The following GLIS3 variants were observed in gnomAD, a reference collection of about 807,000 sequenced individuals.
GLIS3 encodes zinc finger protein GLIS3.
Under a neutral mutation model 78.6 loss-of-function variants are expected in GLIS3, and 53 were observed. That is an observed-to-expected ratio of 0.67 (90% CI 0.54 to 0.85). The LOEUF (loss-of-function observed/expected upper bound fraction) is 0.85. GLIS3 is among the 40% of genes least tolerant of loss of function. GLIS3 has a pLI of 0.00. For missense variants in GLIS3, 1,703 were observed against 1,231.1 expected (o/e 1.38, Z -5.74); for synonymous variants, 684 against 509.9 (o/e 1.34, Z -4.60).
chr9:4,390,614 A>G, the GLIS3 span, among the ~76,000 whole-genome samples: 11 of 152,234 alleles, frequency 7.2e-5, no homozygotes, highest in Non-Finnish European at 1.3e-4. Context: ...CCTCATACAG[A>G]TATCTGTGGT....
At chr9:4,111,545 C>G in intron 4 of GLIS3, among the ~76,000 whole-genome samples, 1 of 152,250 alleles carries the variant, frequency 6.6e-6, no homozygotes, top group East Asian at 1.9e-4. Context: ...ATATGAAATC[C>G]TATTTGACAG....
At chr9:3,869,555 C>G (rs1820840843) in intron 8 of GLIS3, among the ~76,000 whole-genome samples, 1 of 152,190 alleles carries the variant, frequency 6.6e-6, no homozygotes, top group South Asian at 2.1e-4. Flanking sequence ...TGCATTGTAT[C>G]AAAGTACGCA....
chr9:3,906,843 TA>T (rs949185250), intron 6 of GLIS3, among the ~76,000 whole-genome samples: 4 of 152,230 alleles, frequency 2.6e-5, no homozygotes, highest in African/African-American at 4.8e-5. Flanking sequence ...CCACGTACCA[TA>T]AATGCATATT....
At chr9:3,838,126 C>A (rs1021233008) in intron 9 of GLIS3, among the ~76,000 whole-genome samples, 1 of 152,114 alleles carries the variant, frequency 6.6e-6, no homozygotes, top group Non-Finnish European at 1.5e-5. Flanking sequence ...CCTTCCCCAC[C>A]AAAATATGTA....
chr9:3,844,699 C>G (rs1818929983), intron 9 of GLIS3, among the ~76,000 whole-genome samples: 1 of 152,176 alleles, frequency 6.6e-6, no homozygotes, highest in African/African-American at 2.4e-5. Context: ...AATGACACAG[C>G]TTGACTGACA....
At chr9:3,963,005 G>C (rs1357901407) in intron 4 of GLIS3, among the ~76,000 whole-genome samples, 2 of 151,274 alleles carry the variant, frequency 1.3e-5, no homozygotes, top group Non-Finnish European at 2.9e-5. Flanking sequence ...AGAGTTGCCA[G>C]TGCTAATCAA....
chr9:3,954,695 T>G (rs1816967068), intron 4 of GLIS3, among the ~76,000 whole-genome samples: 1 of 152,194 alleles, frequency 6.6e-6, no homozygotes. Context: ...CCCTGTTTAT[T>G]TAGAAAAAAA....
At chr9:4,226,657 G>A (rs1311162133) in intron 2 of GLIS3, among the ~76,000 whole-genome samples, 1 of 152,182 alleles carries the variant, frequency 6.6e-6, no homozygotes, top group African/African-American at 2.4e-5. Context: ...AAGGTCTCAA[G>A]AGAAAAGCCA....
At chr9:4,220,101 A>G (rs901613766) in intron 2 of GLIS3, among the ~76,000 whole-genome samples, 1 of 152,220 alleles carries the variant, frequency 6.6e-6, no homozygotes, top group Non-Finnish European at 1.5e-5. Flanking sequence ...GCTCCCACTG[A>G]CTAAACAGGG....
rs776199599 is a variant in GLIS3, at chr9:3,829,434, A to G, written c.2532T>C (p.Ile844=). The change falls in exon 10 of 11, where the codon ATT becomes ATC. Residue 844 remains isoleucine, a synonymous_variant. Coordinates refer to ENST00000381971, the MANE Select transcript of GLIS3 (RefSeq NM_001042413.2). The part of the protein sequence containing the change: ...CPPHYPDSQR[I]VPPVSSCSVV... ...CACTGCAGGAGCTGACAGGCGGCACAATTCTCTGGGAATCGGGGTAGTGTG... is the reference window on the plus strand; with the variant it reads ...CACTGCAGGAGCTGACAGGCGGCACGATTCTCTGGGAATCGGGGTAGTGTG... The G allele has an allele frequency of 6.2e-7, 1 of 1,614,114 alleles. No homozygotes were observed. The highest frequency in any genetic ancestry group is 1.7e-5 in the Admixed American group (1 of 60,022).
Position 3,856,184 on chromosome 9 carries a change from C to T in GLIS3, c.2298G>A (p.Arg766=), listed in dbSNP as rs748140344. Residue 766 remains arginine, a splice_region_variant and synonymous_variant, in exon 9 of 11, where the codon AGG becomes AGA. Transcript: ENST00000381971. ...GAGGAGATGGAGCAGAAGGTGCAAACCTGAGAAAACAATTATAAAAGGAAA... is the reference window on the plus strand; with the variant it reads ...GAGGAGATGGAGCAGAAGGTGCAAATCTGAGAAAACAATTATAAAAGGAAA... ...PLTAVDAGAE[R]FAPSAPSPHH... is the part of the protein sequence containing the mutation. 2 of 1,613,122 alleles carry T rather than the reference C, an allele frequency of 1.2e-6. No individual in the cohort carries two copies. The highest frequency in any genetic ancestry group is 1.1e-5 in the South Asian group (1 of 90,984).
At chr9:4,167,076 C>A (rs1482533975) in intron 2 of GLIS3, among the ~76,000 whole-genome samples, 9 of 151,738 alleles carry the variant, frequency 5.9e-5, no homozygotes, top group African/African-American at 9.7e-5. Context: ...AAAATCAGTT[C>A]ATTTGGATCC....
chr9:4,207,736 T>G (rs749919592), intron 2 of GLIS3, among the ~76,000 whole-genome samples: 1 of 152,100 alleles, frequency 6.6e-6, no homozygotes, highest in Non-Finnish European at 1.5e-5. Context: ...ACACAGCTCA[T>G]GAGTAGCAGA....
intron 9 of GLIS3, among the ~76,000 whole-genome samples, chr9:3,842,237 G>T (rs549228864): frequency 5.9e-5 from 9 of 152,276 alleles, no homozygotes; most frequent in African/African-American, 2.2e-4. Flanking sequence ...ATGTTGGGAG[G>T]CCGAGATGGG....
At chr9:4,143,533 C>T (rs1833973031) in intron 2 of GLIS3, among the ~76,000 whole-genome samples, 1 of 151,726 alleles carries the variant, frequency 6.6e-6, no homozygotes, top group African/African-American at 2.4e-5. Context: ...CACCACTGCA[C>T]TCCAGCCTGG....
chr9:4,316,054 T>C (rs549113927), intron 2 of GLIS3, among the ~76,000 whole-genome samples: 2 of 152,328 alleles, frequency 1.3e-5, no homozygotes, highest in African/African-American at 2.4e-5. Flanking sequence ...AAATTTTAAA[T>C]ACATGCATAT....
chr9:4,093,434 G>A (rs907693137), intron 4 of GLIS3, among the ~76,000 whole-genome samples: 1 of 152,140 alleles, frequency 6.6e-6, no homozygotes, highest in Admixed American at 6.5e-5. Context: ...TCAGAGACTC[G>A]GTACTTCCTC....
the GLIS3 span, among the ~76,000 whole-genome samples, chr9:4,371,314 G>C: frequency 2.6e-5 from 4 of 152,132 alleles, no homozygotes; most frequent in Non-Finnish European, 4.4e-5. Flanking sequence ...GCATGGCTGA[G>C]TCAGTCCCTC....
chr9:4,196,613 T>C (rs1014837298), intron 2 of GLIS3, among the ~76,000 whole-genome samples: 2 of 151,728 alleles, frequency 1.3e-5, no homozygotes, highest in East Asian at 3.9e-4. Context: ...ACCGCAAAGG[T>C]ATGCAGCTTC....
Sources: gnomAD v4.1 joint callset for allele counts (sites outside exome capture counted in the v4.1 genomes callset) on GRCh38, gnomAD v4.1.1 for gene constraint, MANE v1.5 for transcripts, NCBI Gene and HGNC (gene_info 2026-07-23, HGNC 2026-07-21) for gene names.